Variants in SSX5 observed in about 807,000 individuals in gnomAD.
The protein encoded by SSX5 is protein SSX5.
Under a neutral mutation model 14.9 loss-of-function variants are expected in SSX5, and 14 were observed. The ratio of observed to expected loss-of-function variants is 0.94; its 90% CI spans 0.62 to 1.47. The LOEUF is 1.47. Among genes scored for constraint, SSX5 ranks in the 40% most tolerant of loss-of-function variants. The pLI, the probability that SSX5 is intolerant of heterozygous loss-of-function variation, is 0.00. For synonymous variants in SSX5, 70 were observed against 55.4 expected, an observed-to-expected ratio of 1.26 and a Z score of -1.17; for missense variants, 204 against 154.6, an observed-to-expected ratio of 1.32 and a Z score of -1.70.
In SSX5 at chrX:48,186,479, A is replaced by G. The variant is rs2059397830; in HGVS notation, c.*382T>C. ...AATGCAGAGGAAAAAATCTGAAATT[A>G]AACACTCAGAACTGCCCTCAGTGGT... On this transcript the variant is annotated 3_prime_UTR_variant, in exon 8 of 8. Transcript: ENST00000347757. 2 of 330,893 alleles carry G rather than the reference A, an allele frequency of 6.0e-6. No homozygotes were observed. The highest frequency in any genetic ancestry group is 5.3e-5 in the African/African-American group (2 of 37,406). 27.3% of individuals were successfully genotyped at this position (330,893 alleles called of 1,213,427 possible).
At chrX:48,187,795 G>T in intron 6 of SSX5, 64 bp from the exon 7 acceptor site, 1 of 1,152,929 alleles carries the variant, frequency 8.7e-7, no homozygotes, top group African/African-American at 1.8e-5. Flanking sequence ...GTTGATTGGA[G>T]AGTGTTAGGC....
Position 48,195,277 on chromosome X carries a change from C to A in SSX5, c.69+13G>T, listed in dbSNP as rs375880452. 1 of 1,210,557 alleles carries A rather than the reference C, an allele frequency of 8.3e-7. No homozygotes were observed. Among genetic ancestry groups the A allele is most frequent in the Admixed American group, 2.2e-5 (1 of 45,995 alleles). ...CCCTGGGCCACTACTATGCCCCCTG[C>A]AGGTCACCTCACCTTTTGCATCTTC... On this transcript the variant is annotated intron_variant, in intron 2 of 7. Transcript: ENST00000347757.
intron 7 of SSX5, 61 bp from the exon 8 acceptor site, chrX:48,186,917 A>G: frequency 8.5e-7 from 1 of 1,174,034 alleles, no homozygotes; most frequent in Non-Finnish European, 1.1e-6. Flanking sequence ...TGACAACTCA[A>G]TCTCAACTCC....
chrX:48,190,615 C>T (rs1257281003), intron 5 of SSX5, among the ~76,000 whole-genome samples: 6 of 111,486 alleles, frequency 5.4e-5, no homozygotes, highest in African/African-American at 1.3e-4. Flanking sequence ...GAAGAGTTTC[C>T]GTAAAATACA....
intron 7 of SSX5, among the ~76,000 whole-genome samples, 194 bp downstream of exon 7, chrX:48,187,433 C>G (rs782222865): frequency 9.0e-6 from 1 of 110,513 alleles, no homozygotes; most frequent in African/African-American, 3.3e-5. Flanking sequence ...GCACTCCAGC[C>G]TGGGGGAACA....
chrX:48,192,308 C>T lies in SSX5; in HGVS notation c.281-27G>A, dbSNP rs782303968. Reference sequence around the variant, plus strand: ...TGAAAGAGAATACATCAGAATTTTTCTTTGTTGGTAAAGATTTCCAAACTC... The same window carrying T: ...TGAAAGAGAATACATCAGAATTTTTTTTTGTTGGTAAAGATTTCCAAACTC... On this transcript the variant is annotated intron_variant, in intron 4 of 7. Coordinates refer to ENST00000347757, the MANE Select transcript of SSX5 (RefSeq NM_175723.2). The T allele has an allele frequency of 2.8e-5, 34 of 1,208,887 alleles. No homozygotes were observed. In the South Asian group the frequency reaches 5.1e-4, roughly 18 times the overall value.
At chrX:48,187,258 A>C (rs1556923958) in intron 7 of SSX5, among the ~76,000 whole-genome samples, 1 of 110,999 alleles carries the variant, frequency 9.0e-6, no homozygotes, top group Non-Finnish European at 1.9e-5. Context: ...GATTGAGACC[A>C]TTCTGGCTGA....
Position 48,186,416 on chromosome X carries a change from G to GCC in SSX5, c.*444_*445insGG. ...TGTGTGTGTGTGTGCGCGCGCGCGC[G>GCC]CATGTGTGTCTGTGTGGCATGTGTG... On this transcript the variant is annotated 3_prime_UTR_variant, in exon 8 of 8. Transcript: ENST00000347757. The GCC allele has an allele frequency of 3.7e-6, 1 of 271,996 alleles. No homozygotes were observed. The highest frequency in any genetic ancestry group is 6.6e-6 in the Non-Finnish European group (1 of 150,585). The allele number at this position is 271,996 out of a possible 1,213,427, so 22.4% of individuals were successfully genotyped here.
chrX:48,194,186 G>A lies in SSX5; in HGVS notation c.223C>T (p.Arg75Trp), dbSNP rs782158862. 1.7e-5 allele frequency: 20 copies of A among 1,207,837 alleles called. No homozygotes were observed. Among genetic ancestry groups the A allele is most frequent in the Admixed American group, 8.8e-5 (4 of 45,425 alleles). Residue 75 changes from arginine to tryptophan, a missense_variant, in exon 4 of 8, where the codon CGG becomes TGG. Physicochemically the swap from Arg to Trp is moderately radical, Grantham distance 101. Transcript: ENST00000347757. ...TCATTCCCCTGGAAGTCTGCGACCC[G>A]TTTATTACGCATGAAAGGTGGGAGG... ...ATLPPFMRNK[R>W]VADFQGNDFD...
intron 4 of SSX5, among the ~76,000 whole-genome samples, chrX:48,193,422 T>C (rs1312577823): frequency 2.7e-5 from 3 of 111,481 alleles, no homozygotes; most frequent in African/African-American, 6.5e-5. Context: ...ACAGCTATTT[T>C]AGATCTGATT....
chrX:48,188,130 C>A (rs1183654068), intron 6 of SSX5, among the ~76,000 whole-genome samples: 2 of 111,746 alleles, frequency 1.8e-5, no homozygotes, highest in Middle Eastern at 4.6e-3. Flanking sequence ...GAAATTCTCA[C>A]CAATTTTACA....
At chrX:48,193,626 G>A (rs1452044985) in intron 4 of SSX5, among the ~76,000 whole-genome samples, 4 of 110,822 alleles carry the variant, frequency 3.6e-5, no homozygotes, top group Non-Finnish European at 7.5e-5. Context: ...GTGGGCGCCT[G>A]TAACCCCAGC....
chrX:48,189,045 G>A (rs1802189180), intron 6 of SSX5, among the ~76,000 whole-genome samples: 1 of 111,827 alleles, frequency 8.9e-6, no homozygotes, highest in African/African-American at 3.2e-5. Context: ...GAAGCTGCAG[G>A]AGAAACGTGT....
intron 6 of SSX5, among the ~76,000 whole-genome samples, chrX:48,188,615 C>T (rs181566485): frequency 3.6e-5 from 4 of 111,514 alleles, no homozygotes; most frequent in Non-Finnish European, 7.5e-5. Context: ...ATATCAACAC[C>T]GAAATTAGGA....
intron 4 of SSX5, among the ~76,000 whole-genome samples, chrX:48,193,332 C>T (rs1393633926): frequency 9.1e-6 from 1 of 109,481 alleles, no homozygotes; most frequent in African/African-American, 3.3e-5. Flanking sequence ...AACAACATGT[C>T]GTTTAAAAAA....
Position 48,190,263 on chromosome X carries a change from C to T in SSX5, c.336G>A (p.Thr112=), listed in dbSNP as rs138350645. Residue 112 remains threonine (T), a synonymous_variant, in exon 6 of 8, where the codon ACG becomes ACA. Coordinates refer to ENST00000347757, the MANE Select transcript of SSX5 (RefSeq NM_175723.2). ...TTCCTTCCTCTGCTGGCTTCTCGGG[C>T]GTGATCTTTATAATGTGAAGGTCAC... is the stretch of plus-strand genomic sequence containing the variant. The part of the protein sequence containing the change: ...GRLQGIFPKI[T]PEKPAEEGND... 13 of 1,197,058 alleles carry T rather than the reference C, an allele frequency of 1.1e-5. No homozygotes were observed. Among genetic ancestry groups the T allele is most frequent in the Admixed American group, 6.9e-5 (3 of 43,528 alleles).
rs149280282 is a variant in SSX5 at position 48,186,870 on chromosome X, C to T, written c.*5-14G>A. ...ATATCCCCGAGGCTGAGGCAAGAAG[C>T]GAGAAGGAAAGTAAGTGGCAGTGAG... On this transcript the variant is annotated splice_polypyrimidine_tract_variant and intron_variant, in intron 7 of 7. Transcript: ENST00000347757. 5.9e-6 allele frequency: 7 copies of T among 1,195,969 alleles called. No individual in the cohort carries two copies. Among genetic ancestry groups the T allele is most frequent in the Middle Eastern group, 3.2e-4 (1 of 3,126 alleles).
At position 48,190,143 on chromosome X, in the gene SSX5, G is replaced by C. The variant is rs1556924474; in HGVS notation, c.456C>G (p.Asn152Lys). 3.3e-6 allele frequency: 4 copies of C among 1,210,362 alleles called. No homozygotes were observed. Among genetic ancestry groups the C allele is most frequent in the Non-Finnish European group, 4.5e-6 (4 of 894,919 alleles). Residue 152 changes from asparagine to lysine, a missense_variant, in exon 6 of 8, where the codon AAC becomes AAG. Physicochemically the swap from Asn to Lys is moderately conservative, Grantham distance 94. Coordinates refer to ENST00000347757, the MANE Select transcript of SSX5 (RefSeq NM_175723.2). Reference sequence around the variant, plus strand: ...ATTCTTTTCTCTTACCAGATGTCTTGTTAACCTTCTCAGAGGTATTTAGTT... The same window carrying C: ...ATTCTTTTCTCTTACCAGATGTCTTCTTAACCTTCTCAGAGGTATTTAGTT... The part of the protein sequence containing the change: ...SGKLNTSEKV[N>K]KTSGPKRGKH...
intron 4 of SSX5, among the ~76,000 whole-genome samples, chrX:48,192,735 G>A (rs2059424970): frequency 1.8e-5 from 2 of 112,123 alleles, no homozygotes; most frequent in Admixed American, 1.9e-4. Flanking sequence ...TACAAAGACA[G>A]TCCTTTAACG....
Sources: allele counts gnomAD v4.1 joint callset (sites outside exome capture counted in the v4.1 genomes callset), GRCh38; gene constraint gnomAD v4.1.1; transcripts MANE v1.5; gene names NCBI Gene and HGNC (gene_info 2026-07-23, HGNC 2026-07-21).